TIAM1: variants seen among roughly 807,000 people sequenced by gnomAD.
TIAM1 encodes the protein TIAM Rac1 associated GEF 1.
In TIAM1, 65 loss-of-function variants were observed where a neutral mutation model predicts 163.5. The ratio of observed to expected loss-of-function variants is 0.40; its 90% CI spans 0.33 to 0.49. TIAM1 has a LOEUF of 0.49. Ranked by LOEUF, TIAM1 falls within the 20% of genes least tolerant of loss-of-function variation. The probability of loss-of-function intolerance (pLI) is 0.77; values close to 1 mark genes in which losing one functional copy is unlikely to be tolerated. For missense variants in TIAM1, 1,789 were observed against 2,044.7 expected, an observed-to-expected ratio of 0.87 and a Z score of 2.41; for synonymous variants, 833 against 810.1, an observed-to-expected ratio of 1.03 and a Z score of -0.48.
At chr21:31,381,693 A>C (rs1429972818) in intron 2 of TIAM1, among the ~76,000 whole-genome samples, 2 of 152,032 alleles carry the variant, frequency 1.3e-5, no homozygotes, top group Non-Finnish European at 2.9e-5. Context: ...ATAGCCAGAC[A>C]TGGTGGTGTA....
Position 31,195,460 on chromosome 21 carries a change from G to C in TIAM1, c.2494-155C>G, listed in dbSNP as rs147738517. 2.8e-4 allele frequency among the ~76,000 whole-genome samples: 43 copies of C among 152,260 alleles called. No individual in the cohort carries two copies. The East Asian group carries it at 8.1e-3, about 29-fold the overall frequency. Reference sequence around the variant, plus strand: ...AAACGAAACTCATTAAAAGTAAAAAGTAAAAGTAAAAACTTCCAGCTGTCG... The same window carrying C: ...AAACGAAACTCATTAAAAGTAAAAACTAAAAGTAAAAACTTCCAGCTGTCG... On this transcript the variant is annotated intron_variant, in intron 12 of 27. Coordinates refer to ENST00000541036, the MANE Select transcript of TIAM1 (RefSeq NM_001353694.2).
At chr21:31,150,795 T>C (rs746182798) in intron 19 of TIAM1, among the ~76,000 whole-genome samples, 1 of 152,106 alleles carries the variant, frequency 6.6e-6, no homozygotes, top group Non-Finnish European at 1.5e-5. Flanking sequence ...AATGAAAAGA[T>C]GGGCCTCAAA....
chr21:31,487,586 T>C (rs528552962), intron 1 of TIAM1, among the ~76,000 whole-genome samples: 1 of 142,300 alleles, frequency 7.0e-6, no homozygotes, highest in East Asian at 2.0e-4. Flanking sequence ...AGTCTCGCTC[T>C]GTCGCCCAGG....
chr21:31,544,518 C>A (rs1395921547), intron 1 of TIAM1, among the ~76,000 whole-genome samples: 1 of 151,936 alleles, frequency 6.6e-6, no homozygotes, highest in African/African-American at 2.4e-5. Context: ...ATCCCAGCTA[C>A]TCAGGAGGCT....
chr21:31,274,201 C>A (rs144396635), intron 3 of TIAM1, among the ~76,000 whole-genome samples: 1 of 151,234 alleles, frequency 6.6e-6, no homozygotes, highest in African/African-American at 2.5e-5. Flanking sequence ...GGAAATAGTG[C>A]GAGACTCCTT....
At chr21:31,444,434 G>A (rs1249578527) in intron 2 of TIAM1, among the ~76,000 whole-genome samples, 1 of 151,120 alleles carries the variant, frequency 6.6e-6, no homozygotes, top group Non-Finnish European at 1.5e-5. Context: ...TGCCACGATG[G>A]TTTTTAAGCA....
intron 2 of TIAM1, among the ~76,000 whole-genome samples, chr21:31,376,657 G>A (rs766267310): frequency 2.6e-5 from 4 of 151,862 alleles, no homozygotes; most frequent in African/African-American, 4.8e-5. Context: ...CTGTGACATC[G>A]GCCTCAAATA....
chr21:31,530,852 A>G (rs2047946503), intron 1 of TIAM1, among the ~76,000 whole-genome samples: 3 of 152,170 alleles, frequency 2.0e-5, no homozygotes, highest in Non-Finnish European at 4.4e-5. Flanking sequence ...AGAATACAGT[A>G]GGATTGGCTT....
chr21:31,510,179 C>T (rs914681647), intron 1 of TIAM1, among the ~76,000 whole-genome samples: 1 of 152,218 alleles, frequency 6.6e-6, no homozygotes, highest in Non-Finnish European at 1.5e-5. Context: ...TATTATCTTA[C>T]AGTTCTGGAG....
At chr21:31,154,181 G>A (rs967765856) in intron 17 of TIAM1, 66 bp downstream of exon 17, 2 of 1,533,202 alleles carry the variant, frequency 1.3e-6, no homozygotes, top group Admixed American at 1.9e-5. Flanking sequence ...ATGAAAACCA[G>A]CAGACACACC....
chr21:31,310,469 C>T (rs1475037462), intron 2 of TIAM1, among the ~76,000 whole-genome samples: 4 of 152,182 alleles, frequency 2.6e-5, no homozygotes, highest in African/African-American at 9.7e-5. Context: ...AAGAGTCAGC[C>T]ACCCTGGGTG....
At chr21:31,337,141 CATGTATACGTTTTTG>C (rs1316583945) in intron 2 of TIAM1, among the ~76,000 whole-genome samples, 4 of 152,100 alleles carry the variant, frequency 2.6e-5, no homozygotes, top group African/African-American at 9.7e-5. Context: ...GGTGAGAAGT[CATGTATACGTTTTTG>C]ATTAGGAAGT....
At position 31,453,725 on chromosome 21, in the gene TIAM1, A is replaced by G. The variant is rs566637401; in HGVS notation, c.-369+10258T>C. On this transcript the variant is annotated intron_variant, in intron 2 of 28. Transcript: ENST00000286827. ...AAATAAATAAATAAATAAATAAATA[A>G]ATAAATAAATTTTAAAAAATAAAAA... 1.8e-4 allele frequency among the ~76,000 whole-genome samples: 22 copies of G among 119,616 alleles called. 1 individual carries two copies. In the East Asian group the frequency reaches 4.5e-3, roughly 25 times the overall value. The allele number at this position is 119,616 out of a possible 152,430, so 78.5% of individuals were successfully genotyped here. A position where few individuals can be genotyped will look rare whatever the true frequency, so the allele number is the denominator to read the frequency against.
intron 2 of TIAM1, among the ~76,000 whole-genome samples, chr21:31,430,228 ATAT>A (rs2043966413): frequency 3.8e-4 from 21 of 55,494 alleles, no homozygotes; most frequent in African/African-American, 2.1e-3. Flanking sequence ...AAAAAAAAAT[ATAT>A]ATATATATAT....
Position 31,529,454 on chromosome 21 carries a change from T to TATA in TIAM1, c.-422+29472_-422+29473insTAT, listed in dbSNP as rs544625785. 1.0e-3 allele frequency among the ~76,000 whole-genome samples: 158 copies of TATA among 152,314 alleles called. 3 individuals carry two copies. The highest frequency in any genetic ancestry group is 7.5e-3 in the South Asian group (36 of 4,828). On this transcript the variant is annotated intron_variant, in intron 1 of 28. Coordinates refer to the TIAM1 transcript ENST00000286827. Reference sequence around the variant, plus strand: ...CATAAGATTTCAGAAACGAGGAGTATGTTCCCTTCAGTAGCTCTTGAATAC... The same window carrying TATA: ...CATAAGATTTCAGAAACGAGGAGTATATAGTTCCCTTCAGTAGCTCTTGAATAC...
chr21:31,387,535 G>A (rs1286243954), intron 2 of TIAM1, among the ~76,000 whole-genome samples: 1 of 151,872 alleles, frequency 6.6e-6, no homozygotes, highest in East Asian at 1.9e-4. Flanking sequence ...AGGAGAGGCT[G>A]TATATGGATG....
At chr21:31,428,789 G>A (rs982037094) in intron 2 of TIAM1, among the ~76,000 whole-genome samples, 1 of 150,732 alleles carries the variant, frequency 6.6e-6, no homozygotes, top group Non-Finnish European at 1.5e-5. Flanking sequence ...AGGCTGAGGT[G>A]GGAGGCCTTC....
At chr21:31,236,195 T>C (rs1297231050) in intron 6 of TIAM1, among the ~76,000 whole-genome samples, 2 of 152,166 alleles carry the variant, frequency 1.3e-5, no homozygotes, top group Non-Finnish European at 1.5e-5. Flanking sequence ...TTTCACCAGA[T>C]TGCTTGAGAT....
At chr21:31,292,518 C>A (rs531326757) in intron 2 of TIAM1, among the ~76,000 whole-genome samples, 1 of 151,350 alleles carries the variant, frequency 6.6e-6, no homozygotes, top group Non-Finnish European at 1.5e-5. Context: ...TACAAGCATG[C>A]GCCACCAGGC....
Sources: allele counts gnomAD v4.1 joint callset (sites outside exome capture counted in the v4.1 genomes callset), GRCh38; gene constraint gnomAD v4.1.1; transcripts MANE v1.5; gene names NCBI Gene and HGNC (gene_info 2026-07-23, HGNC 2026-07-21).